The following CTNNA2 variants were observed in gnomAD, a reference collection of about 807,000 sequenced individuals.
The protein encoded by CTNNA2 is catenin alpha-2.
In CTNNA2, 42 loss-of-function variants were observed where a neutral mutation model predicts 101.0. The ratio of observed to expected loss-of-function variants is 0.42; its 90% CI spans 0.32 to 0.54. CTNNA2 has a LOEUF of 0.54. Among genes scored for constraint, CTNNA2 ranks in the 20% least tolerant of loss-of-function variants. The pLI, the probability that CTNNA2 is intolerant of heterozygous loss-of-function variation, is 0.14. For missense variants in CTNNA2, 871 were observed against 1,223.1 expected, an observed-to-expected ratio of 0.71 and a Z score of 4.29; for synonymous variants, 450 against 456.4, an observed-to-expected ratio of 0.99 and a Z score of 0.18.
intron 7 of CTNNA2, among the ~76,000 whole-genome samples, chr2:80,176,603 A>G (rs1386904605): frequency 1.3e-5 from 2 of 152,084 alleles, no homozygotes; most frequent in East Asian, 1.9e-4. Flanking sequence ...TGTAGGGTCT[A>G]TGTCATTTGT....
intron 6 of CTNNA2, among the ~76,000 whole-genome samples, chr2:79,874,894 G>A (rs1682888486): frequency 1.3e-5 from 2 of 152,324 alleles, no homozygotes; most frequent in South Asian, 4.1e-4. Context: ...TTTAGGGACA[G>A]TTCATAATTT....
intron 7 of CTNNA2, among the ~76,000 whole-genome samples, chr2:79,978,062 A>G (rs1330796845): frequency 6.6e-6 from 1 of 152,180 alleles, no homozygotes; most frequent in Non-Finnish European, 1.5e-5. Flanking sequence ...CCACTTCCAC[A>G]TGAACAGGCC....
At chr2:80,236,655 G>A (rs1709566292) in intron 7 of CTNNA2, among the ~76,000 whole-genome samples, 1 of 152,172 alleles carries the variant, frequency 6.6e-6, no homozygotes, top group South Asian at 2.1e-4. Flanking sequence ...TAAAAATACA[G>A]TAAAGTAGGC....
At position 80,601,102 on chromosome 2, in the gene CTNNA2, A is replaced by T. The variant is rs187130355; in HGVS notation, c.2190-2972A>T. Among the ~76,000 whole-genome samples, 418 of 152,220 alleles carry T rather than the reference A, an allele frequency of 2.7e-3. 5 individuals carry two copies. The highest frequency in any genetic ancestry group is 9.6e-3 in the African/African-American group (397 of 41,560). On this transcript the variant is annotated intron_variant, in intron 15 of 18. Coordinates refer to ENST00000402739, the MANE Select transcript of CTNNA2 (RefSeq NM_001282597.3). ...CAGATTTCAAGCTCCCAACATTTCA[A>T]CTGGCTTGCCCAGTTCCTAAAAACC... is the stretch of plus-strand genomic sequence containing the variant.
intron 7 of CTNNA2, among the ~76,000 whole-genome samples, chr2:80,348,522 T>C (rs1672986080): frequency 6.6e-6 from 1 of 152,178 alleles, no homozygotes; most frequent in African/African-American, 2.4e-5. Flanking sequence ...AACTTGGCAT[T>C]TGAAAAGTCT....
At position 80,441,210 on chromosome 2, in the gene CTNNA2, G is replaced by A. The variant is rs555493574; in HGVS notation, c.1290+21609G>A. On this transcript the variant is annotated intron_variant, in intron 9 of 18. Coordinates refer to ENST00000402739, the MANE Select transcript of CTNNA2 (RefSeq NM_001282597.3). ...ATTTGTGAACTGTGTAGGGATTCACGCAGTGGGTAAAATTTTGAGGTTTCT... is the reference window on the plus strand; with the variant it reads ...ATTTGTGAACTGTGTAGGGATTCACACAGTGGGTAAAATTTTGAGGTTTCT... Among the ~76,000 whole-genome samples the A allele has an allele frequency of 3.0e-4, 46 of 152,250 alleles. No homozygotes were observed. In the South Asian group the frequency reaches 6.8e-3, roughly 23 times the overall value.
At position 80,222,554 on chromosome 2, in the gene CTNNA2, G is replaced by C. The variant is rs1003766910; in HGVS notation, c.1057-170657G>C. ...GTACAACTAGTTAATGGCAAAGACAGAACTAGAATTTTGGTCTTCTAAAGC... is the reference window on the plus strand; with the variant it reads ...GTACAACTAGTTAATGGCAAAGACACAACTAGAATTTTGGTCTTCTAAAGC... On this transcript the variant is annotated intron_variant, in intron 7 of 18. Coordinates refer to ENST00000402739, the MANE Select transcript of CTNNA2 (RefSeq NM_001282597.3). Among the ~76,000 whole-genome samples the C allele has an allele frequency of 2.6e-5, 4 of 152,158 alleles. No homozygotes were observed. The East Asian group carries it at 7.7e-4, about 29-fold the overall frequency.
chr2:80,209,594 TACACACAGACACACACACACAC>T (rs1558905066), intron 7 of CTNNA2, among the ~76,000 whole-genome samples: 3 of 151,370 alleles, frequency 2.0e-5, no homozygotes. Context: ...CTCATTCTCA[TACACACAGACACACACACACAC>T]ACACACAGAC....
At chr2:80,461,470 C>A (rs1311846204) in intron 9 of CTNNA2, among the ~76,000 whole-genome samples, 1 of 152,218 alleles carries the variant, frequency 6.6e-6, no homozygotes, top group East Asian at 1.9e-4. Context: ...TGACCCCCAA[C>A]TGCAAATTCC....
chr2:79,285,412 C>T (rs1675541258), intron 2 of CTNNA2, among the ~76,000 whole-genome samples: 1 of 148,990 alleles, frequency 6.7e-6, no homozygotes, highest in Non-Finnish European at 1.5e-5. Context: ...TTTCCCTCTA[C>T]ACACTGCTTT....
intron 1 of CTNNA2, among the ~76,000 whole-genome samples, chr2:79,594,747 T>A (rs2104013755): frequency 6.6e-6 from 1 of 152,282 alleles, no homozygotes; most frequent in African/African-American, 2.4e-5. Context: ...CTCTTTTTTA[T>A]ATATATCTTT....
At chr2:79,789,521 G>A (rs561457545) in intron 3 of CTNNA2, among the ~76,000 whole-genome samples, 33 of 152,240 alleles carry the variant, frequency 2.2e-4, no homozygotes, top group African/African-American at 7.5e-4. Flanking sequence ...CATGTGAGCC[G>A]AGTTTTTATT....
intron 1 of CTNNA2, among the ~76,000 whole-genome samples, chr2:79,606,941 T>A (rs1677931763): frequency 6.6e-6 from 1 of 152,204 alleles, no homozygotes; most frequent in Admixed American, 6.5e-5. Context: ...AATTTAATCA[T>A]GTCAACGATT....
intron 8 of CTNNA2, among the ~76,000 whole-genome samples, chr2:80,400,839 C>T (rs961363836): frequency 1.3e-5 from 2 of 152,170 alleles, no homozygotes; most frequent in Non-Finnish European, 2.9e-5. Flanking sequence ...TGGCCACAAC[C>T]TCATAACCAG....
At chr2:80,406,826 CAAAAAAAAAAAA>C (rs56793591) in intron 8 of CTNNA2, among the ~76,000 whole-genome samples, 2 of 63,982 alleles carry the variant, frequency 3.1e-5, no homozygotes, top group Admixed American at 1.9e-4. Flanking sequence ...GACTCCATCT[CAAAAAAAAAAAA>C]AAAAAAAAAA....
chr2:79,206,835 A>C (rs965896024), intron 2 of CTNNA2, among the ~76,000 whole-genome samples: 2 of 152,164 alleles, frequency 1.3e-5, no homozygotes, highest in African/African-American at 2.4e-5. Flanking sequence ...AGAATCAATA[A>C]AATCATAGAG....
intron 7 of CTNNA2, among the ~76,000 whole-genome samples, chr2:80,183,224 G>A (rs1009401237): frequency 3.4e-4 from 51 of 152,116 alleles, no homozygotes; most frequent in African/African-American, 1.2e-3. Context: ...ATGTCAATCA[G>A]GGGTGGTAGT....
At chr2:80,266,564 A>G (rs941678680) in intron 7 of CTNNA2, among the ~76,000 whole-genome samples, 1 of 152,214 alleles carries the variant, frequency 6.6e-6, no homozygotes, top group South Asian at 2.1e-4. Context: ...CTCTTCTTCC[A>G]TGGAGAGCTA....
intron 3 of CTNNA2, among the ~76,000 whole-genome samples, chr2:79,759,588 C>T (rs887698229): frequency 6.6e-6 from 1 of 152,104 alleles, no homozygotes; most frequent in Non-Finnish European, 1.5e-5. Flanking sequence ...TAAAGTTGAG[C>T]TCCCGCCCTG....
Sources: gnomAD v4.1 joint callset for allele counts (sites outside exome capture counted in the v4.1 genomes callset) on GRCh38, gnomAD v4.1.1 for gene constraint, MANE v1.5 for transcripts, NCBI Gene and HGNC (gene_info 2026-07-23, HGNC 2026-07-21) for gene names.